Variants in SYT17 observed in about 807,000 individuals in gnomAD.
The protein encoded by SYT17 is synaptotagmin-17.
SYT17 carries 22 observed loss-of-function variants against 46.7 expected under a neutral mutation model. That is an observed-to-expected ratio of 0.47 (90% CI 0.34 to 0.67). The LOEUF (loss-of-function observed/expected upper bound fraction) is 0.67. Among genes scored for constraint, SYT17 ranks in the 30% least tolerant of loss-of-function variants. The probability of loss-of-function intolerance (pLI) is 0.01; values close to 1 mark genes in which losing one functional copy is unlikely to be tolerated. For missense variants in SYT17, 519 were observed against 612.8 expected (o/e 0.85, Z 1.62); for synonymous variants, 251 against 248.4 (o/e 1.01, Z -0.10).
intron 3 of SYT17, among the ~76,000 whole-genome samples, chr16:19,176,851 C>G (rs1449044430): frequency 1.3e-5 from 2 of 152,104 alleles, no homozygotes; most frequent in Admixed American, 1.3e-4. Flanking sequence ...TTGCTTTCAC[C>G]AAAAATCTCA....
intron 5 of SYT17, among the ~76,000 whole-genome samples, chr16:19,218,965 CT>C (rs1183483741): frequency 6.6e-6 from 1 of 152,184 alleles, no homozygotes; most frequent in Non-Finnish European, 1.5e-5. Flanking sequence ...CAAACCTCGC[CT>C]CTCAGAGAAA....
At chr16:19,184,287 G>A in intron 5 of SYT17, 140 bp downstream of exon 5, 1 of 1,115,416 alleles carries the variant, frequency 9.0e-7, no homozygotes, top group Non-Finnish European at 1.2e-6. Context: ...ACAAGAGGTT[G>A]CAAAAATAGC....
intron 7 of SYT17, among the ~76,000 whole-genome samples, chr16:19,241,108 C>T (rs542052338): frequency 3.6e-4 from 55 of 151,628 alleles, no homozygotes; most frequent in East Asian, 1.4e-3. Flanking sequence ...CCACTACGCC[C>T]GGCTAATTTT....
chr16:19,246,395 A>G (rs1239481209), intron 7 of SYT17, among the ~76,000 whole-genome samples: 1 of 128,486 alleles, frequency 7.8e-6, no homozygotes, highest in Non-Finnish European at 1.5e-5. Context: ...GAATATTTGC[A>G]ATATGAATAT....
At chr16:19,240,446 C>A (rs1438389388) in intron 7 of SYT17, among the ~76,000 whole-genome samples, 1 of 152,062 alleles carries the variant, frequency 6.6e-6, no homozygotes, top group Admixed American at 6.5e-5. Context: ...AAGTGTCCAG[C>A]TGTCAGCAGC....
At chr16:19,204,415 A>G (rs1176805102) in intron 5 of SYT17, among the ~76,000 whole-genome samples, 1 of 152,044 alleles carries the variant, frequency 6.6e-6, no homozygotes, top group Non-Finnish European at 1.5e-5. Flanking sequence ...TGGAAACGAC[A>G]CGAGGGCAGA....
intron 7 of SYT17, among the ~76,000 whole-genome samples, chr16:19,226,803 T>C (rs578147909): frequency 4.6e-5 from 7 of 152,320 alleles, no homozygotes; most frequent in African/African-American, 2.4e-5. Context: ...GGACCTCCTA[T>C]TGTAAGCTTA....
intron 7 of SYT17, among the ~76,000 whole-genome samples, chr16:19,253,326 T>G (rs907402985): frequency 1.3e-5 from 2 of 151,914 alleles, no homozygotes; most frequent in African/African-American, 4.8e-5. Flanking sequence ...GAGGCCGAGG[T>G]GGGAGGACAG....
intron 5 of SYT17, among the ~76,000 whole-genome samples, chr16:19,190,797 TG>T (rs1964985457): frequency 6.6e-6 from 1 of 151,620 alleles, no homozygotes. Context: ...TGTGTGTGTG[TG>T]TGTGTGTGTG....
At chr16:19,236,444 C>T (rs1228545095) in intron 7 of SYT17, among the ~76,000 whole-genome samples, 1 of 152,070 alleles carries the variant, frequency 6.6e-6, no homozygotes, top group African/African-American at 2.4e-5. Flanking sequence ...GAACAGTTCA[C>T]CCAAAACTGC....
At chr16:19,185,151 TCCCTCCTTC>T (rs931800245) in intron 5 of SYT17, among the ~76,000 whole-genome samples, 4 of 151,064 alleles carry the variant, frequency 2.6e-5, no homozygotes, top group African/African-American at 9.7e-5. Flanking sequence ...CCTCCCTTTC[TCCCTCCTTC>T]CCCTCCTTCC....
intron 3 of SYT17, among the ~76,000 whole-genome samples, chr16:19,174,363 C>A (rs1414461258): frequency 6.6e-6 from 1 of 152,098 alleles, no homozygotes; most frequent in Non-Finnish European, 1.5e-5. Flanking sequence ...TGGGAAGGAT[C>A]AAGAAGTCAT....
At chr16:19,235,837 G>A (rs1271176657) in intron 7 of SYT17, among the ~76,000 whole-genome samples, 1 of 152,206 alleles carries the variant, frequency 6.6e-6, no homozygotes, top group Non-Finnish European at 1.5e-5. Context: ...GAATGGAGGT[G>A]ACAGAGGAAG....
intron 7 of SYT17, among the ~76,000 whole-genome samples, chr16:19,232,176 AG>A (rs1966723062): frequency 6.6e-6 from 1 of 152,224 alleles, no homozygotes; most frequent in Non-Finnish European, 1.5e-5. Context: ...GGAATTGACC[AG>A]GGCATAGGCT....
At chr16:19,254,087 A>T (rs1314136883) in intron 7 of SYT17, among the ~76,000 whole-genome samples, 1 of 152,152 alleles carries the variant, frequency 6.6e-6, no homozygotes, top group Non-Finnish European at 1.5e-5. Flanking sequence ...AATGGAGAAC[A>T]TAATAACTGC....
chr16:19,218,723 C>T (rs1450167322), intron 5 of SYT17, among the ~76,000 whole-genome samples: 2 of 152,226 alleles, frequency 1.3e-5, no homozygotes, highest in African/African-American at 4.8e-5. Context: ...TCTGTGAAGA[C>T]TGCCAGGATT....
intron 3 of SYT17, chr16:19,180,024 C>A (rs548995767): frequency 2.8e-4 from 57 of 206,734 alleles, no homozygotes; most frequent in African/African-American, 1.3e-3. Context: ...GCCTATAAAA[C>A]AACCAGACGG....
chr16:19,174,783 G>GTAGA (rs1964248899), intron 3 of SYT17, among the ~76,000 whole-genome samples: 1 of 152,194 alleles, frequency 6.6e-6, no homozygotes, highest in Admixed American at 6.5e-5. Context: ...ATGTGGAAAA[G>GTAGA]TAGTTAGGAA....
intron 5 of SYT17, among the ~76,000 whole-genome samples, chr16:19,220,036 C>A (rs1268128229): frequency 6.6e-6 from 1 of 152,144 alleles, no homozygotes; most frequent in African/African-American, 2.4e-5. Context: ...ATCTTCCAAG[C>A]CCTTGAGAAG....
Sources: allele counts gnomAD v4.1 joint callset (sites outside exome capture counted in the v4.1 genomes callset), GRCh38; gene constraint gnomAD v4.1.1; transcripts MANE v1.5; gene names NCBI Gene and HGNC (gene_info 2026-07-23, HGNC 2026-07-21).